IPP: variants seen among roughly 807,000 people sequenced by gnomAD.
IPP encodes actin-binding protein IPP.
In IPP, 41 loss-of-function variants were observed where a neutral mutation model predicts 64.1. The ratio of observed to expected loss-of-function variants is 0.64; its 90% CI spans 0.50 to 0.83. The LOEUF is 0.83. IPP is among the 40% of genes least tolerant of loss of function. IPP has a pLI of 0.00. For synonymous variants in IPP, 214 were observed against 235.2 expected (o/e 0.91, Z 0.83); for missense variants, 649 against 703.0 (o/e 0.92, Z 0.87).
At chr1:45,725,168 GT>G (rs1645800808) in intron 5 of IPP, among the ~76,000 whole-genome samples, 1 of 127,552 alleles carries the variant, frequency 7.8e-6, no homozygotes, top group African/African-American at 3.0e-5. Flanking sequence ...GGGGTGGGGG[GT>G]CAGCCCCCCG....
At chr1:45,729,197 G>A (rs557060770) in intron 4 of IPP, among the ~76,000 whole-genome samples, 113 of 151,248 alleles carry the variant, frequency 7.5e-4, no homozygotes, top group African/African-American at 2.6e-3. Context: ...TATTCCTATG[G>A]ATCATCTTTT....
chr1:45,699,946 G>T lies in IPP; in HGVS notation c.*20C>A. ...CCTGCATTTTCAAAATGTTCCTTGT[G>T]CTCTGTTATGCTTTATATTTCATAG... On this transcript the variant is annotated 3_prime_UTR_variant, in exon 9 of 9. Coordinates refer to ENST00000396478, the MANE Select transcript of IPP (RefSeq NM_005897.3). 7 of 1,610,314 alleles carry T rather than the reference G, an allele frequency of 4.3e-6. No homozygotes were observed. Among genetic ancestry groups the T allele is most frequent in the Non-Finnish European group, 5.9e-6 (7 of 1,177,244 alleles).
intron 8 of IPP, among the ~76,000 whole-genome samples, chr1:45,706,708 C>T (rs552153479): frequency 5.9e-5 from 9 of 152,270 alleles, no homozygotes; most frequent in African/African-American, 2.2e-4. Context: ...TCTTGGCCTC[C>T]CAAAGTGCTG....
chr1:45,726,383 G>A (rs1014949031), intron 5 of IPP, among the ~76,000 whole-genome samples: 3 of 152,086 alleles, frequency 2.0e-5, no homozygotes, highest in South Asian at 2.1e-4. Context: ...GCTTGAACCC[G>A]GGAGGTGGAG....
Position 45,746,415 on chromosome 1 carries a change from G to T in IPP, c.-4C>A. ...TGGGACAGTCCTCATTAGCCATGAT[G>T]ACGGTAGATTAATTAAAAGGACTGT... On this transcript the variant is annotated 5_prime_UTR_variant, in exon 2 of 9. Transcript: ENST00000396478. The T allele has an allele frequency of 6.3e-7, 1 of 1,599,522 alleles. No homozygotes were observed. The highest frequency in any genetic ancestry group is 1.1e-5 in the South Asian group (1 of 90,538).
chr1:45,745,844 G>A (rs960692718), intron 2 of IPP, among the ~76,000 whole-genome samples: 2 of 152,010 alleles, frequency 1.3e-5, no homozygotes, highest in African/African-American at 4.8e-5. Context: ...CAGCTTGGGC[G>A]ACAGAGAGAG....
At chr1:45,700,759 C>A (rs1388318031) in intron 8 of IPP, among the ~76,000 whole-genome samples, 1 of 152,110 alleles carries the variant, frequency 6.6e-6, no homozygotes, top group African/African-American at 2.4e-5. Flanking sequence ...ATACACAGGA[C>A]AACATTCTAA....
chr1:45,733,481 A>AC (rs955918390), intron 3 of IPP, among the ~76,000 whole-genome samples: 6 of 150,392 alleles, frequency 4.0e-5, no homozygotes, highest in African/African-American at 9.8e-5. Flanking sequence ...AAAAAAAAAA[A>AC]CCCCAAAATC....
At chr1:45,721,925 C>T (rs1392831889) in intron 5 of IPP, among the ~76,000 whole-genome samples, 1 of 152,092 alleles carries the variant, frequency 6.6e-6, no homozygotes, top group East Asian at 1.9e-4. Flanking sequence ...AAAAATTAGC[C>T]AGGCGCGGTG....
chr1:45,728,379 A>G (rs1385069531), intron 4 of IPP, among the ~76,000 whole-genome samples: 1 of 151,900 alleles, frequency 6.6e-6, no homozygotes, highest in Non-Finnish European at 1.5e-5. Flanking sequence ...TGTAAATTAT[A>G]AATTATCTCA....
intron 5 of IPP, among the ~76,000 whole-genome samples, chr1:45,722,196 G>A (rs1181300427): frequency 1.3e-5 from 2 of 152,122 alleles, no homozygotes; most frequent in African/African-American, 4.8e-5. Context: ...AGAGGTTGCT[G>A]TGAGCCGAGA....
chr1:45,706,578 T>C (rs1340342689), intron 8 of IPP, among the ~76,000 whole-genome samples: 1 of 152,148 alleles, frequency 6.6e-6, no homozygotes, highest in Non-Finnish European at 1.5e-5. Context: ...GCCCCCCAAG[T>C]AGCTGGGATT....
chr1:45,699,927 T>A lies in IPP; in HGVS notation c.*39A>T, dbSNP rs1251537132. ...GCTTTGCAAAAGGTCAGGTCCTGCA[T>A]TTTCAAAATGTTCCTTGTGCTCTGT... is the stretch of plus-strand genomic sequence containing the variant. On this transcript the variant is annotated 3_prime_UTR_variant, in exon 9 of 9. Transcript: ENST00000396478. The A allele has an allele frequency of 6.2e-7, 1 of 1,603,568 alleles. No homozygotes were observed. The highest frequency in any genetic ancestry group is 1.3e-5 in the African/African-American group (1 of 74,736).
intron 6 of IPP, among the ~76,000 whole-genome samples, chr1:45,717,509 A>G (rs1645676840): frequency 1.5e-5 from 2 of 137,518 alleles, no homozygotes; most frequent in South Asian, 5.0e-4. Flanking sequence ...ACACTCTCCA[A>G]TTCTTTTTTT....
At chr1:45,712,363 C>T (rs1054070066) in intron 8 of IPP, among the ~76,000 whole-genome samples, 2 of 149,358 alleles carry the variant, frequency 1.3e-5, no homozygotes, top group Non-Finnish European at 1.5e-5. Flanking sequence ...TCAACAATAG[C>T]AGAATACAAA....
At chr1:45,747,834 C>CAAAAAAAA (rs60576414) in intron 1 of IPP, among the ~76,000 whole-genome samples, 21 of 39,294 alleles carry the variant, frequency 5.3e-4, no homozygotes, top group Admixed American at 9.4e-4. Context: ...GACTCTGTCT[C>CAAAAAAAA]AAAAAAAAAA....
chr1:45,728,626 C>T (rs1020422320), intron 4 of IPP, among the ~76,000 whole-genome samples: 1 of 151,908 alleles, frequency 6.6e-6, no homozygotes. Flanking sequence ...TCCCAAGTAG[C>T]TGGGACTACA....
At chr1:45,704,647 C>T (rs1645494641) in intron 8 of IPP, among the ~76,000 whole-genome samples, 2 of 152,154 alleles carry the variant, frequency 1.3e-5, no homozygotes, top group Admixed American at 6.5e-5. Flanking sequence ...CATGGTTTTA[C>T]AATATAACTG....
intron 1 of IPP, among the ~76,000 whole-genome samples, chr1:45,750,041 A>G (rs1034236196): frequency 2.2e-4 from 34 of 152,042 alleles, no homozygotes; most frequent in African/African-American, 7.0e-4. Context: ...AGAAGGGGCG[A>G]GACTGTCTCA....
Sources: gnomAD v4.1 joint callset for allele counts (sites outside exome capture counted in the v4.1 genomes callset) on GRCh38, gnomAD v4.1.1 for gene constraint, MANE v1.5 for transcripts, NCBI Gene and HGNC (gene_info 2026-07-23, HGNC 2026-07-21) for gene names.